The following KCNMA1 variants were observed in gnomAD, a reference collection of about 807,000 sequenced individuals.
KCNMA1 encodes the protein Calcium-activated potassium channel subunit alpha-1.
In KCNMA1, 29 loss-of-function variants were observed where a neutral mutation model predicts 140.0. That is an observed-to-expected ratio of 0.21 (90% confidence interval 0.15 to 0.28). KCNMA1 has a LOEUF of 0.28. Among genes scored for constraint, KCNMA1 ranks in the 10% least tolerant of loss-of-function variants. The pLI is 1.00. For synonymous variants in KCNMA1, 612 were observed against 611.9 expected (o/e 1.00, Z 0.00); for missense variants, 880 against 1,602.2 (o/e 0.55, Z 7.70).
intron 7 of KCNMA1, among the ~76,000 whole-genome samples, chr10:77,110,609 G>A (rs985294456): frequency 4.6e-5 from 7 of 152,260 alleles, no homozygotes; most frequent in African/African-American, 1.7e-4. Flanking sequence ...AATATCTCTA[G>A]GCCTTTTCTC....
At chr10:77,620,982 C>T (rs1202169198) in intron 1 of KCNMA1, among the ~76,000 whole-genome samples, 1 of 152,142 alleles carries the variant, frequency 6.6e-6, no homozygotes, top group Admixed American at 6.5e-5. Flanking sequence ...TCTTACATGA[C>T]CCCATATCCC....
chr10:76,880,586 A>G (rs557453439), downstream of KCNMA1, among the ~76,000 whole-genome samples: 1 of 152,368 alleles, frequency 6.6e-6, no homozygotes, highest in Non-Finnish European at 1.5e-5. Context: ...TTCTCCCAAC[A>G]TGCTTCCAAG....
chr10:76,992,296 A>C lies in KCNMA1; in HGVS notation c.2266+9111T>G, dbSNP rs1041986563. Reference sequence around the variant, plus strand: ...AAAAGAATGTCTCCTCAGAATAAAAATCTGTGGGCATGTGTAGCAATCTCC... The same window carrying C: ...AAAAGAATGTCTCCTCAGAATAAAACTCTGTGGGCATGTGTAGCAATCTCC... On this transcript the variant is annotated intron_variant, in intron 19 of 27. Transcript: ENST00000286628. 3.3e-5 allele frequency among the ~76,000 whole-genome samples: 5 copies of C among 152,184 alleles called. No individual in the cohort carries two copies. In the South Asian group the frequency reaches 6.2e-4, roughly 19 times the overall value.
Position 77,133,559 on chromosome 10 carries a change from AAAG to A in KCNMA1, c.809-12514_809-12512del, listed in dbSNP as rs145284244. On this transcript the variant is annotated intron_variant, in intron 5 of 27. Transcript: ENST00000286628. The stretch of plus-strand genomic sequence containing the variant: ...AAATTATATATAAACATTATATTAA[AAAG>A]AATAAAAAGTAATATCTCATATTGA... Among the ~76,000 whole-genome samples, 2,029 of 151,876 alleles carry A rather than the reference AAAG, an allele frequency of 0.013. 72 individuals carry two copies. The East Asian group carries it at 0.14, about 10-fold the overall frequency.
chr10:77,605,565 A>C (rs1367828412), intron 1 of KCNMA1, among the ~76,000 whole-genome samples: 1 of 152,164 alleles, frequency 6.6e-6, no homozygotes, highest in Non-Finnish European at 1.5e-5. Context: ...CTCCCTACAC[A>C]GTGCAGCCAG....
intron 2 of KCNMA1, among the ~76,000 whole-genome samples, chr10:77,263,652 T>A (rs1386432892): frequency 1.3e-5 from 2 of 152,180 alleles, no homozygotes; most frequent in Non-Finnish European, 1.5e-5. Flanking sequence ...TATCAGTGCA[T>A]CCCAGAAAGC....
At chr10:77,148,442 C>T (rs570521540) in intron 5 of KCNMA1, 2 of 152,288 alleles carry the variant, frequency 1.3e-5, no homozygotes, top group South Asian at 2.1e-4. Flanking sequence ...TCAGCAAAAA[C>T]ATTTTCACAA....
chr10:76,947,031 G>C (rs1020805774), intron 22 of KCNMA1, among the ~76,000 whole-genome samples: 4 of 152,140 alleles, frequency 2.6e-5, no homozygotes, highest in Non-Finnish European at 4.4e-5. Context: ...AAAGATGAGT[G>C]AACGTGTACA....
intron 2 of KCNMA1, among the ~76,000 whole-genome samples, chr10:77,365,833 T>A (rs968260549): frequency 1.3e-5 from 2 of 152,168 alleles, no homozygotes; most frequent in African/African-American, 2.4e-5. Flanking sequence ...TGGGCCCTAC[T>A]TAGAAACCAT....
At chr10:77,625,387 A>G (rs1314980775) in intron 1 of KCNMA1, among the ~76,000 whole-genome samples, 2 of 152,274 alleles carry the variant, frequency 1.3e-5, no homozygotes, top group Non-Finnish European at 2.9e-5. Flanking sequence ...CCAAAAAAAA[A>G]AGTACCATCT....
downstream of KCNMA1, chr10:76,873,312 C>G (rs1377891347): frequency 6.6e-6 from 1 of 152,150 alleles, no homozygotes; most frequent in Non-Finnish European, 1.5e-5. Context: ...TATGACCAAA[C>G]TAGTACAAAC....
intron 3 of KCNMA1, among the ~76,000 whole-genome samples, chr10:77,238,966 C>A (rs934563002): frequency 5.9e-5 from 9 of 152,104 alleles, no homozygotes; most frequent in Admixed American, 2.0e-4. Flanking sequence ...GCTGCCAAAT[C>A]TTATTCATAC....
intron 1 of KCNMA1, among the ~76,000 whole-genome samples, chr10:77,435,816 G>T (rs1294668181): frequency 2.0e-5 from 3 of 152,158 alleles, no homozygotes; most frequent in African/African-American, 7.2e-5. Context: ...TGGTCTTCGG[G>T]TTACAAATGA....
At chr10:76,875,067 G>A (rs757854410), downstream of KCNMA1, 1 of 152,278 alleles carries the variant, frequency 6.6e-6, no homozygotes, top group Non-Finnish European at 1.5e-5. Flanking sequence ...ATGGGACTCA[G>A]GGCCAAAGAG....
Position 77,569,488 on chromosome 10 carries a change from C to G in KCNMA1, c.378+67777G>C, listed in dbSNP as rs1315947641. On this transcript the variant is annotated intron_variant, in intron 1 of 27. Transcript: ENST00000286628. ...CTGACAAAAACAAGCAATGGGGAAA[C>G]GATTCCCTATTTAATAAATGGTGCT... Among the ~76,000 whole-genome samples the G allele has an allele frequency of 3.5e-3, 513 of 147,538 alleles. 3 individuals are homozygous for G. Among genetic ancestry groups the G allele is most frequent in the African/African-American group, 0.012 (468 of 40,346 alleles).
intron 3 of KCNMA1, among the ~76,000 whole-genome samples, chr10:77,196,803 G>A (rs2040639607): frequency 6.6e-6 from 1 of 152,236 alleles, no homozygotes; most frequent in East Asian, 1.9e-4. Flanking sequence ...GATTATCACA[G>A]CTTGGAATGC....
chr10:76,927,220 A>G lies in KCNMA1; in HGVS notation c.2903-12171T>C, dbSNP rs530867565. Among the ~76,000 whole-genome samples the G allele has an allele frequency of 1.1e-3, 173 of 152,248 alleles. 1 individual carries two copies. The highest frequency in any genetic ancestry group is 3.8e-3 in the African/African-American group (158 of 41,546). Reference sequence around the variant, plus strand: ...CCAGATTTTTTTGATTCAGTTTTATACCTTTGCCCAGAGGATAAAACTTCA... The same window carrying G: ...CCAGATTTTTTTGATTCAGTTTTATGCCTTTGCCCAGAGGATAAAACTTCA... On this transcript the variant is annotated intron_variant, in intron 23 of 27. Transcript: ENST00000286628.
chr10:77,574,085 C>T (rs1220845342), intron 1 of KCNMA1, among the ~76,000 whole-genome samples: 1 of 152,118 alleles, frequency 6.6e-6, no homozygotes, highest in Non-Finnish European at 1.5e-5. Flanking sequence ...ATCCACCCAT[C>T]TTGGCCTCCA....
intron 1 of KCNMA1, among the ~76,000 whole-genome samples, chr10:77,549,806 T>C (rs2062330771): frequency 6.6e-6 from 1 of 152,176 alleles, no homozygotes; most frequent in South Asian, 2.1e-4. Flanking sequence ...TAGAGGAAAA[T>C]GGCACCACCT....
Sources: allele counts gnomAD v4.1 joint callset (sites outside exome capture counted in the v4.1 genomes callset), GRCh38; gene constraint gnomAD v4.1.1; transcripts MANE v1.5; gene names NCBI Gene and HGNC (gene_info 2026-07-23, HGNC 2026-07-21).